The following LYRM4 variants were observed in gnomAD, a reference collection of about 807,000 sequenced individuals.
The protein encoded by LYRM4 is LYR motif-containing protein 4.
In LYRM4, 9 loss-of-function variants were observed where a neutral mutation model predicts 11.7. The ratio of observed to expected loss-of-function variants is 0.77; its 90% CI spans 0.46 to 1.34. The LOEUF (loss-of-function observed/expected upper bound fraction) is 1.34. LYRM4 is among the 40% of genes most tolerant of loss of function. The pLI is 0.00. For synonymous variants in LYRM4, 42 were observed against 40.4 expected (o/e 1.04, Z -0.15); for missense variants, 133 against 112.5 (o/e 1.18, Z -0.82).
At chr6:5,174,850 T>A (rs1220972361) in intron 2 of LYRM4, among the ~76,000 whole-genome samples, 1 of 152,186 alleles carries the variant, frequency 6.6e-6, no homozygotes, top group African/African-American at 2.4e-5. Flanking sequence ...ATATAAAAGA[T>A]AAGCAAGGCT....
chr6:5,248,037 C>CAG (rs1764271312), intron 1 of LYRM4, among the ~76,000 whole-genome samples: 1 of 152,198 alleles, frequency 6.6e-6, no homozygotes, highest in Non-Finnish European at 1.5e-5. Context: ...CTGCAATGTC[C>CAG]AGATGCTCTC....
intron 2 of LYRM4, among the ~76,000 whole-genome samples, chr6:5,156,984 C>CTT (rs1312092441): frequency 6.6e-6 from 1 of 152,176 alleles, no homozygotes; most frequent in African/African-American, 2.4e-5. Context: ...CCCCTCTGGC[C>CTT]TTTTGAGTTT....
intron 2 of LYRM4, among the ~76,000 whole-genome samples, chr6:5,194,153 G>A (rs923792395): frequency 2.0e-5 from 3 of 152,012 alleles, no homozygotes; most frequent in East Asian, 3.9e-4. Context: ...ATTAAAGTTT[G>A]CCACTAATTA....
chr6:5,260,881 G>C lies in LYRM4; in HGVS notation c.-148C>G, dbSNP rs1765050328. On this transcript the variant is annotated 5_prime_UTR_variant, in exon 1 of 3. Transcript: ENST00000330636. ...AGCGGGCCGGGCCTAAGCCTAAGCG[G>C]GCAGCCCTGCGGATCGCGGACGGCG... is the stretch of plus-strand genomic sequence containing the variant. 4 of 1,427,916 alleles carry C rather than the reference G, an allele frequency of 2.8e-6. No homozygotes were observed. The highest frequency in any genetic ancestry group is 2.8e-5 in the Admixed American group (1 of 35,680). 88.5% of individuals were successfully genotyped at this position (1,427,916 alleles called of 1,614,324 possible). A position where few individuals can be genotyped will look rare whatever the true frequency, so the allele number is the denominator to read the frequency against.
At chr6:5,180,969 C>T (rs1022220863) in intron 2 of LYRM4, among the ~76,000 whole-genome samples, 7 of 152,274 alleles carry the variant, frequency 4.6e-5, no homozygotes, top group African/African-American at 1.4e-4. Context: ...TATTATTGAA[C>T]CCTTTTCACT....
At chr6:5,152,857 C>T (rs148223986) in intron 2 of LYRM4, among the ~76,000 whole-genome samples, 256 of 152,310 alleles carry the variant, frequency 1.7e-3, no homozygotes, top group African/African-American at 5.8e-3. Flanking sequence ...TACCCACTGC[C>T]CTGTGCTGAC....
intron 2 of LYRM4, among the ~76,000 whole-genome samples, chr6:5,189,530 A>G (rs761481603): frequency 1.3e-4 from 20 of 152,244 alleles, no homozygotes; most frequent in Non-Finnish European, 2.4e-4. Flanking sequence ...CCAGTAAGCC[A>G]CTAGTCCTGG....
chr6:5,211,335 T>C (rs1761977188), intron 2 of LYRM4, among the ~76,000 whole-genome samples: 1 of 152,106 alleles, frequency 6.6e-6, no homozygotes, highest in African/African-American at 2.4e-5. Context: ...CACTGAACCA[T>C]ATAATAGCAA....
At chr6:5,082,002 C>T in the LYRM4 span, among the ~76,000 whole-genome samples, 1 of 152,210 alleles carries the variant, frequency 6.6e-6, no homozygotes, top group Admixed American at 6.5e-5. Flanking sequence ...CCTGGAAGTC[C>T]CATGCCCATC....
At chr6:5,141,758 G>T (rs973086125) in intron 2 of LYRM4, among the ~76,000 whole-genome samples, 3 of 152,116 alleles carry the variant, frequency 2.0e-5, no homozygotes, top group Admixed American at 2.0e-4. Flanking sequence ...CCACCAAACT[G>T]AACCGTGACC....
intron 1 of LYRM4, among the ~76,000 whole-genome samples, chr6:5,234,378 C>T (rs560706477): frequency 1.3e-5 from 2 of 152,324 alleles, no homozygotes; most frequent in East Asian, 1.9e-4. Flanking sequence ...TCCACAGAGG[C>T]GCCAGGTGCC....
At chr6:5,088,873 A>T in the LYRM4 span, 1 of 152,244 alleles carries the variant, frequency 6.6e-6, no homozygotes, top group Non-Finnish European at 1.5e-5. Flanking sequence ...TCACCTAAAA[A>T]AATAGTAACA....
intron 2 of LYRM4, among the ~76,000 whole-genome samples, chr6:5,151,061 AAAATGCCTTTTG>A (rs1464134362): frequency 2.0e-5 from 3 of 150,930 alleles, no homozygotes; most frequent in Non-Finnish European, 4.4e-5. Context: ...CAGGGGCTCC[AAAATGCCTTTTG>A]TTTGTTTTGA....
chr6:5,106,349 G>A (rs1158322142), downstream of LYRM4: 2 of 152,308 alleles, frequency 1.3e-5, no homozygotes, highest in African/African-American at 4.8e-5. Flanking sequence ...GTGATCTGCA[G>A]ATGTTCAGGC....
At chr6:5,086,040 A>C in the LYRM4 span, 1 of 1,488,652 alleles carries the variant, frequency 6.7e-7, no homozygotes, top group Non-Finnish European at 8.9e-7. Flanking sequence ...CCGCGGCGGC[A>C]GTGGCCGCGC....
chr6:5,260,011 C>T (rs1422345262), intron 1 of LYRM4, among the ~76,000 whole-genome samples: 1 of 152,122 alleles, frequency 6.6e-6, no homozygotes, highest in Non-Finnish European at 1.5e-5. Flanking sequence ...TGAGTTTAGG[C>T]CCTCAATATC....
chr6:5,079,395 T>G, the LYRM4 span, among the ~76,000 whole-genome samples: 1 of 152,246 alleles, frequency 6.6e-6, no homozygotes, highest in Non-Finnish European at 1.5e-5. Context: ...ATCTTTCTTA[T>G]AGAATATTTA....
chr6:5,130,882 T>C (rs1239214491), intron 2 of LYRM4, among the ~76,000 whole-genome samples: 2 of 151,900 alleles, frequency 1.3e-5, no homozygotes, highest in Non-Finnish European at 2.9e-5. Flanking sequence ...AAACAGGGAA[T>C]GAATAGTCAC....
chr6:5,206,430 T>C (rs1761702368), intron 2 of LYRM4, among the ~76,000 whole-genome samples: 1 of 152,098 alleles, frequency 6.6e-6, no homozygotes. Flanking sequence ...CACTTATCAG[T>C]GGAGTGGAAT....
Sources: allele counts gnomAD v4.1 joint callset (sites outside exome capture counted in the v4.1 genomes callset), GRCh38; gene constraint gnomAD v4.1.1; transcripts MANE v1.5; gene names NCBI Gene and HGNC (gene_info 2026-07-23, HGNC 2026-07-21).